MARK2: variants seen among roughly 807,000 people sequenced by gnomAD.
The protein encoded by MARK2 is serine/threonine-protein kinase MARK2.
In MARK2, 16 loss-of-function variants were observed where a neutral mutation model predicts 89.8. The ratio of observed to expected loss-of-function variants is 0.18; its 90% CI spans 0.12 to 0.27. MARK2 has a LOEUF of 0.27. Ranked by LOEUF, MARK2 falls within the 10% of genes least tolerant of loss-of-function variation. The pLI, the probability that MARK2 is intolerant of heterozygous loss-of-function variation, is 1.00. For synonymous variants in MARK2, 382 were observed against 399.5 expected (o/e 0.96, Z 0.52); for missense variants, 621 against 1,049.9 (o/e 0.59, Z 5.65).
rs1941506992 is a variant in MARK2 at position 63,908,248 on chromosome 11, C to T, written c.1962-12C>T. On this transcript the variant is annotated splice_polypyrimidine_tract_variant and intron_variant, in intron 17 of 18. Transcript: ENST00000402010. ...TCCCAGCACTAAACTCTCCCTCGCT[C>T]TGTTTTTTGAGGAACCTGAATGAAC... The T allele has an allele frequency of 6.4e-7, 1 of 1,557,600 alleles. No individual in the cohort carries two copies. The highest frequency in any genetic ancestry group is 1.9e-5 in the Admixed American group (1 of 51,842).
Position 63,909,387 on chromosome 11 carries a change from T to A in MARK2, c.*150T>A. ...CTCCCTGGCCCTTCTCAGTTTTCTC[T>A]TACATGTTTGTGGGGGGTGGGAGAT... On this transcript the variant is annotated 3_prime_UTR_variant, in exon 19 of 19. Transcript: ENST00000402010. The A allele has an allele frequency of 1.2e-6, 1 of 812,550 alleles. No individual in the cohort carries two copies. Among genetic ancestry groups the A allele is most frequent in the South Asian group, 2.1e-5 (1 of 47,972 alleles). 50.3% of individuals were successfully genotyped at this position (812,550 alleles called of 1,614,324 possible).
intron 3 of MARK2, among the ~76,000 whole-genome samples, chr11:63,897,586 G>A (rs1185168271): frequency 6.6e-6 from 1 of 152,232 alleles, no homozygotes; most frequent in African/African-American, 2.4e-5. Flanking sequence ...CCGCAGAGGG[G>A]AAGGAGTTCA....
Position 63,902,155 on chromosome 11 carries a change from A to G in MARK2, c.1102-43A>G, listed in dbSNP as rs543324750. The G allele has an allele frequency of 3.7e-6, 6 of 1,610,880 alleles. No individual in the cohort carries two copies. Among genetic ancestry groups the G allele is most frequent in the Admixed American group, 3.3e-5 (2 of 59,890 alleles). On this transcript the variant is annotated intron_variant, in intron 11 of 18. Coordinates refer to ENST00000402010, the MANE Select transcript of MARK2 (RefSeq NM_001039469.3). The surrounding 1 kb of genome is among the most constrained non-coding windows in gnomAD (Gnocchi z 4.2). ...TGTGTCCATCCATAGGGATCTCCAC[A>G]TGACTTCTGCCCTCCCTTGAAGCTG...
intron 2 of MARK2, 90 bp downstream of exon 2, chr11:63,895,428 C>G: frequency 6.8e-7 from 1 of 1,478,146 alleles, no homozygotes; most frequent in Non-Finnish European, 9.4e-7. Flanking sequence ...CAGCCAACCT[C>G]TTGTTTATCC....
chr11:63,890,264 A>C lies in MARK2; in HGVS notation c.55-4895A>C, dbSNP rs764278184. 5.2e-6 allele frequency: 7 copies of C among 1,345,392 alleles called. No homozygotes were observed. The Admixed American group carries it at 9.6e-5, about 19-fold the overall frequency. The allele number at this position is 1,345,392 out of a possible 1,614,324, so 83.3% of individuals were successfully genotyped here. A position where few individuals can be genotyped will look rare whatever the true frequency, so the allele number is the denominator to read the frequency against. ...CTGGCTCACATCCCTGCTGTGGGAA[A>C]CATCTTACAGCATAGAAGAAGGGGT... On this transcript the variant is annotated intron_variant, in intron 1 of 18. Coordinates refer to ENST00000402010, the MANE Select transcript of MARK2 (RefSeq NM_001039469.3).
In MARK2 at chr11:63,895,175, T is replaced by C; in HGVS notation, c.71T>C (p.Leu24Pro). The change falls in exon 2 of 19, where the codon CTT (leucine) becomes CCT (proline). Residue 24 changes from leucine (L) to proline (P), a missense_variant. Physicochemically the swap from Leu to Pro is moderately conservative, Grantham distance 98. This residue lies in a region of MARK2 where 60 missense variants were observed against 73.2 expected (regional missense o/e 0.82). Transcript: ENST00000402010. ...RDTEQPTLGHLDSKPSSKSNM... is the reference protein window; with the variant it reads ...RDTEQPTLGHPDSKPSSKSNM... ...ACCCCGCAGCCCACCTTGGGACACC[T>C]TGACTCCAAGCCCAGCAGTAAGTCC... is the stretch of plus-strand genomic sequence containing the variant. 1 of 1,613,620 alleles carries C rather than the reference T, an allele frequency of 6.2e-7. No individual in the cohort carries two copies. The highest frequency in any genetic ancestry group is 1.7e-5 in the Admixed American group (1 of 59,980).
chr11:63,866,133 C>T (rs897965982), intron 1 of MARK2, among the ~76,000 whole-genome samples: 1 of 151,980 alleles, frequency 6.6e-6, no homozygotes. Flanking sequence ...GGGCAGATCA[C>T]CTGAGGCCAG....
chr11:63,882,223 T>A (rs908354077), intron 1 of MARK2, among the ~76,000 whole-genome samples: 1 of 44,430 alleles, frequency 2.3e-5, no homozygotes, highest in Non-Finnish European at 7.6e-5. Flanking sequence ...AAATAATAAT[T>A]TTTTTTTTGA....
intron 1 of MARK2, among the ~76,000 whole-genome samples, chr11:63,846,226 A>G (rs1005136280): frequency 2.0e-5 from 3 of 151,732 alleles, no homozygotes; most frequent in Admixed American, 1.3e-4. Flanking sequence ...GAATGTTTCA[A>G]GTTTCTCAAG....
Position 63,909,004 on chromosome 11 carries a change from C to T in MARK2, c.2134C>T (p.Arg712Trp), listed in dbSNP as rs1254361613. The T allele has an allele frequency of 3.2e-6, 5 of 1,583,106 alleles. No individual in the cohort carries two copies. Among genetic ancestry groups the T allele is most frequent in the African/African-American group, 1.3e-5 (1 of 74,498 alleles). ...TSSMEPNEMM[R>W]EIRKVLDANS... ...CTCCATGGAGCCCAACGAGATGATG[C>T]GGGAGATCCGCAAGGTGCTGGACGC... Residue 712 changes from arginine to tryptophan, a missense_variant, in exon 19 of 19, where the codon CGG (arginine) becomes TGG (tryptophan). Coordinates refer to ENST00000402010, the MANE Select transcript of MARK2 (RefSeq NM_001039469.3).
intron 1 of MARK2, among the ~76,000 whole-genome samples, chr11:63,864,240 C>T (rs949805870): frequency 1.3e-5 from 2 of 151,348 alleles, no homozygotes; most frequent in Non-Finnish European, 2.9e-5. Context: ...AGGCGTGAGC[C>T]GCCACGCCCA....
rs149138517 is a variant in MARK2, at chr11:63,894,134, C to G, written c.55-1025C>G. On this transcript the variant is annotated intron_variant, in intron 1 of 18. Transcript: ENST00000402010. ...CTCAGACCTAATCGTTCAGTTCTTT[C>G]ATTGTACAAGTATTCATTGAGCAGC... is the stretch of plus-strand genomic sequence containing the variant. Among the ~76,000 whole-genome samples the G allele has an allele frequency of 1.4e-3, 220 of 152,330 alleles. 1 individual carries two copies. The highest frequency in any genetic ancestry group is 5.0e-3 in the African/African-American group (207 of 41,564).
chr11:63,892,106 A>T (rs1471640802), intron 1 of MARK2, among the ~76,000 whole-genome samples: 1 of 152,236 alleles, frequency 6.6e-6, no homozygotes, highest in East Asian at 1.9e-4. Context: ...ATGAGCAGAC[A>T]ATAAGAGCTG....
chr11:63,889,038 T>C (rs189780171), intron 1 of MARK2: 6 of 1,207,748 alleles, frequency 5.0e-6, no homozygotes, highest in East Asian at 9.6e-5. Flanking sequence ...ATAGGATCTT[T>C]AGAGAGTTGC....
In MARK2 at chr11:63,900,711, T is replaced by TG; in HGVS notation, c.888+37dup. On this transcript the variant is annotated intron_variant, in intron 9 of 18. Transcript: ENST00000402010. The surrounding 1 kb of genome is among the most constrained non-coding windows in gnomAD (Gnocchi z 4.7). ...GTGGAGCCCAACTGGCGGAAGGGCC[T>TG]GGGGTCCCCACAGAAACTTTCCAGC... 2 of 1,613,744 alleles carry TG rather than the reference T, an allele frequency of 1.2e-6. No individual in the cohort carries two copies. The highest frequency in any genetic ancestry group is 2.2e-5 in the South Asian group (2 of 91,076).
chr11:63,859,108 A>G lies in MARK2; in HGVS notation c.54+19548A>G, dbSNP rs143739511. Among the ~76,000 whole-genome samples the G allele has an allele frequency of 5.8e-3, 872 of 151,512 alleles. 4 individuals are homozygous for G. The highest frequency in any genetic ancestry group is 8.7e-3 in the Non-Finnish European group (588 of 67,860). On this transcript the variant is annotated intron_variant, in intron 1 of 18. Coordinates refer to ENST00000402010, the MANE Select transcript of MARK2 (RefSeq NM_001039469.3). ...TTTTTTTTTAACTTATATGTTGGCT[A>G]TTGGTCAGTTCCAAATTTGAAAACT...
chr11:63,898,736 C>T (rs1940627252), intron 5 of MARK2, 27 bp from the exon 6 acceptor site: 2 of 1,612,878 alleles, frequency 1.2e-6, no homozygotes, highest in Non-Finnish European at 1.7e-6. Flanking sequence ...CCAGCTCTGA[C>T]TGAGATCCCT....
At chr11:63,854,347 G>A (rs1328346718) in intron 1 of MARK2, among the ~76,000 whole-genome samples, 3 of 141,968 alleles carry the variant, frequency 2.1e-5, no homozygotes, top group South Asian at 2.3e-4. Context: ...CTACAGGTCC[G>A]CACCACCACG....
intron 1 of MARK2, among the ~76,000 whole-genome samples, chr11:63,861,328 C>G (rs777826131): frequency 6.6e-6 from 1 of 152,016 alleles, no homozygotes; most frequent in Non-Finnish European, 1.5e-5. Flanking sequence ...CCCAGCTACT[C>G]TGGAGGCTGA....
Sources: allele counts gnomAD v4.1 joint callset (sites outside exome capture counted in the v4.1 genomes callset), GRCh38; gene constraint gnomAD v4.1.1; regional missense constraint gnomAD v4.1.1; non-coding constraint Gnocchi (gnomAD v3.1); transcripts MANE v1.5; gene names NCBI Gene and HGNC (gene_info 2026-07-23, HGNC 2026-07-21).